Variants in ANKRD11 observed in about 807,000 individuals in gnomAD.
ANKRD11 encodes ankyrin repeat domain 11, also known as ankyrin repeat domain-containing protein 11.
Under a neutral mutation model 195.7 loss-of-function variants are expected in ANKRD11, and 17 were observed. The ratio of observed to expected loss-of-function variants is 0.09; its 90% CI spans 0.06 to 0.13. The LOEUF (loss-of-function observed/expected upper bound fraction) is 0.13, where lower values mean the gene tolerates loss of function less well. Among genes scored for constraint, ANKRD11 ranks in the 10% least tolerant of loss-of-function variants. ANKRD11 has a pLI of 1.00. For synonymous variants in ANKRD11, 1,953 were observed against 1,528.1 expected (o/e 1.28, Z -6.49); for missense variants, 3,735 against 3,566.1 (o/e 1.05, Z -1.21).
intron 2 of ANKRD11, among the ~76,000 whole-genome samples, chr16:89,331,807 T>C (rs1306985827): frequency 1.3e-5 from 2 of 152,190 alleles, no homozygotes; most frequent in East Asian, 1.9e-4. Context: ...TTTATTTTCA[T>C]TTAGTCTAAG....
chr16:89,440,624 G>A (rs2043408262), intron 1 of ANKRD11, among the ~76,000 whole-genome samples: 1 of 152,054 alleles, frequency 6.6e-6, no homozygotes, highest in Non-Finnish European at 1.5e-5. Context: ...AAAAGGAGGG[G>A]GAGGAGGAGG....
intron 2 of ANKRD11, among the ~76,000 whole-genome samples, chr16:89,363,740 G>A (rs569457810): frequency 1.2e-4 from 18 of 152,228 alleles, no homozygotes; most frequent in East Asian, 3.9e-4. Flanking sequence ...GGAAGAACAC[G>A]GGCCTGCAGG....
chr16:89,307,394 C>T (rs535657813), intron 3 of ANKRD11, among the ~76,000 whole-genome samples: 1 of 152,324 alleles, frequency 6.6e-6, no homozygotes, highest in African/African-American at 2.4e-5. Context: ...CTGAGACATC[C>T]CTGAGTGACC....
intron 1 of ANKRD11, among the ~76,000 whole-genome samples, chr16:89,485,353 G>A (rs967930231): frequency 6.6e-6 from 1 of 151,758 alleles, no homozygotes; most frequent in Admixed American, 6.6e-5. Flanking sequence ...CACTAACTGG[G>A]AGTGGTGGTA....
intron 1 of ANKRD11, among the ~76,000 whole-genome samples, chr16:89,471,139 G>T (rs1318112517): frequency 5.9e-5 from 9 of 152,096 alleles, no homozygotes; most frequent in Non-Finnish European, 1.0e-4. Context: ...GATCATTTGA[G>T]CTCAGAAGCT....
intron 4 of ANKRD11, among the ~76,000 whole-genome samples, chr16:89,293,036 C>T (rs2035167775): frequency 6.6e-6 from 1 of 152,220 alleles, no homozygotes; most frequent in African/African-American, 2.4e-5. Context: ...CTCAAGTCCT[C>T]CTCTCTCCAG....
At chr16:89,447,949 C>A (rs1219759648) in intron 1 of ANKRD11, among the ~76,000 whole-genome samples, 1 of 151,996 alleles carries the variant, frequency 6.6e-6, no homozygotes, top group African/African-American at 2.4e-5. Flanking sequence ...GGACTACAGG[C>A]GCCCACCACC....
chr16:89,346,388 G>T (rs761303540), intron 2 of ANKRD11, among the ~76,000 whole-genome samples: 3 of 151,980 alleles, frequency 2.0e-5, no homozygotes, highest in Non-Finnish European at 4.4e-5. Context: ...AGATCTGAAA[G>T]CAAGACCAAG....
At chr16:89,399,680 C>T (rs2041612092) in intron 2 of ANKRD11, among the ~76,000 whole-genome samples, 1 of 152,186 alleles carries the variant, frequency 6.6e-6, no homozygotes, top group Non-Finnish European at 1.5e-5. Context: ...ACACTGTCTC[C>T]AGGGCGGTCG....
Position 89,281,658 on chromosome 16 carries a change from G to C in ANKRD11, c.4884C>G (p.Asp1628Glu), listed in dbSNP as rs144721281. 2 of 1,614,022 alleles carry C rather than the reference G, an allele frequency of 1.2e-6. No individual in the cohort carries two copies. The highest frequency in any genetic ancestry group is 1.3e-5 in the African/African-American group (1 of 74,908). Residue 1628 changes from aspartate to glutamate, a missense_variant, in exon 9 of 13, where the codon GAC (aspartate) becomes GAG (glutamate). Coordinates refer to ENST00000301030, the MANE Select transcript of ANKRD11 (RefSeq NM_013275.6). The surrounding 1 kb of genome is among the most constrained non-coding windows in gnomAD (Gnocchi z 5.5). Reference protein sequence around the residue: ...PKLKEKAKPADDGRKKGLDIP... With the variant: ...PKLKEKAKPAEDGRKKGLDIP... ...TGTCCAGACCCTTCTTCCGCCCGTC[G>C]TCTGCCGGCTTCGCCTTCTCCTTGA...
intron 7 of ANKRD11, 38 bp downstream of exon 7, chr16:89,288,490 G>C: frequency 6.2e-7 from 1 of 1,613,890 alleles, no homozygotes. Context: ...CCAGATGCCA[G>C]GACAGGCCGG....
chr16:89,484,975 C>G (rs1321081718), intron 1 of ANKRD11, among the ~76,000 whole-genome samples: 1 of 152,194 alleles, frequency 6.6e-6, no homozygotes, highest in Admixed American at 6.5e-5. Flanking sequence ...GACGCTGTAA[C>G]TGAGACAGCA....
intron 2 of ANKRD11, among the ~76,000 whole-genome samples, chr16:89,363,218 A>T (rs1256333494): frequency 6.6e-6 from 1 of 152,218 alleles, no homozygotes; most frequent in Non-Finnish European, 1.5e-5. Flanking sequence ...GATCAGAAAT[A>T]GGTAAGTTTT....
chr16:89,389,153 G>A (rs1452835831), intron 2 of ANKRD11, among the ~76,000 whole-genome samples: 1 of 152,048 alleles, frequency 6.6e-6, no homozygotes, highest in African/African-American at 2.4e-5. Flanking sequence ...TGAGTGGCTG[G>A]GATGACAGAT....
chr16:89,347,205 T>G (rs2038981676), intron 2 of ANKRD11, among the ~76,000 whole-genome samples: 1 of 152,120 alleles, frequency 6.6e-6, no homozygotes, highest in Non-Finnish European at 1.5e-5. Context: ...AGCACCTGGG[T>G]GAGGGCTTCT....
At chr16:89,443,918 C>A (rs1307943355) in intron 1 of ANKRD11, among the ~76,000 whole-genome samples, 1 of 152,150 alleles carries the variant, frequency 6.6e-6, no homozygotes, top group African/African-American at 2.4e-5. Flanking sequence ...CTACAGCTGC[C>A]GTGCCGGGCC....
intron 1 of ANKRD11, among the ~76,000 whole-genome samples, chr16:89,456,770 T>A (rs187786891): frequency 5.9e-5 from 9 of 152,236 alleles, no homozygotes; most frequent in East Asian, 1.9e-4. Context: ...AATAGACAGA[T>A]CCACAGTGGC....
chr16:89,442,339 T>C (rs1239638790), intron 1 of ANKRD11, among the ~76,000 whole-genome samples: 3 of 152,216 alleles, frequency 2.0e-5, no homozygotes, highest in Non-Finnish European at 2.9e-5. Flanking sequence ...TTGAATGTGA[T>C]GGAGGGATGC....
At chr16:89,440,881 G>A (rs958621166) in intron 1 of ANKRD11, among the ~76,000 whole-genome samples, 1 of 152,198 alleles carries the variant, frequency 6.6e-6, no homozygotes, top group Non-Finnish European at 1.5e-5. Context: ...ATGAATCCTG[G>A]TGTGGCTGGT....
Sources: gnomAD v4.1 joint callset for allele counts (sites outside exome capture counted in the v4.1 genomes callset) on GRCh38, gnomAD v4.1.1 for gene constraint, Gnocchi (gnomAD v3.1) non-coding constraint, MANE v1.5 for transcripts, NCBI Gene and HGNC (gene_info 2026-07-23, HGNC 2026-07-21) for gene names.